The following TARBP1 variants were observed in gnomAD, a reference collection of about 807,000 sequenced individuals.
TARBP1 encodes tRNA (guanosine(18)-2'-O)-methyltransferase TARBP1.
In TARBP1, 144 loss-of-function variants were observed where a neutral mutation model predicts 178.6. The observed-to-expected ratio is 0.81, with a 90% CI of 0.70 to 0.93. The LOEUF is 0.93. Ranked by LOEUF, TARBP1 falls within the 40% of genes least tolerant of loss-of-function variation. TARBP1 has a pLI of 0.00. For synonymous variants in TARBP1, 787 were observed against 781.0 expected, an observed-to-expected ratio of 1.01 and a Z score of -0.13; for missense variants, 2,067 against 2,011.7, an observed-to-expected ratio of 1.03 and a Z score of -0.53.
intron 9 of TARBP1, among the ~76,000 whole-genome samples, chr1:234,456,876 A>G (rs1199237117): frequency 6.6e-6 from 1 of 152,256 alleles, no homozygotes; most frequent in African/African-American, 2.4e-5. Context: ...ATGCATTGTG[A>G]TCAAGAAAAT....
intron 23 of TARBP1, chr1:234,407,049 TTC>T (rs1661318404): frequency 1.3e-5 from 2 of 151,844 alleles, no homozygotes; most frequent in Non-Finnish European, 2.9e-5. Context: ...ACAATCCTCT[TTC>T]TCTCATTCCT....
intron 1 of TARBP1, among the ~76,000 whole-genome samples, chr1:234,474,678 C>G (rs974710115): frequency 1.6e-4 from 24 of 152,086 alleles, no homozygotes; most frequent in African/African-American, 5.8e-4. Context: ...TAGATAGATA[C>G]CTTTAAAATT....
At chr1:234,424,034 T>C (rs982179960) in intron 20 of TARBP1, among the ~76,000 whole-genome samples, 1 of 152,270 alleles carries the variant, frequency 6.6e-6, no homozygotes, top group East Asian at 1.9e-4. Context: ...GACATCTTCC[T>C]TGACTCCAAC....
At chr1:234,413,558 T>C (rs531161066) in intron 22 of TARBP1, among the ~76,000 whole-genome samples, 25 of 152,078 alleles carry the variant, frequency 1.6e-4, no homozygotes, top group African/African-American at 2.2e-4. Context: ...TGTGCCTAGG[T>C]AGTGAATTGA....
chr1:234,478,074 G>C, intron 1 of TARBP1, 99 bp downstream of exon 1: 2 of 1,213,374 alleles, frequency 1.6e-6, no homozygotes, highest in Non-Finnish European at 2.3e-6. Context: ...GCATGGATCG[G>C]AGTGACGACC....
In TARBP1 at chr1:234,420,759, G is replaced by A. The variant is rs1662990729; in HGVS notation, c.3498C>T (p.His1166=). ...KKRYYVNSLQ[H]RVKNRVWQTL... is the part of the protein sequence containing the mutation. ...TCTGCCACACTCGGTTTTTCACTCTGTGCTGTAGAGAATTCACATAGTAGC... is the reference window on the plus strand; with the variant it reads ...TCTGCCACACTCGGTTTTTCACTCTATGCTGTAGAGAATTCACATAGTAGC... Residue 1166 remains histidine, a synonymous_variant, in exon 21 of 30, where the codon CAC becomes CAT. Transcript: ENST00000040877. The A allele has an allele frequency of 1.2e-6, 2 of 1,613,054 alleles. No individual in the cohort carries two copies. The highest frequency in any genetic ancestry group is 2.2e-5 in the East Asian group (1 of 44,770).
intron 25 of TARBP1, among the ~76,000 whole-genome samples, chr1:234,399,425 G>T (rs553321158): frequency 2.8e-4 from 43 of 152,192 alleles, no homozygotes; most frequent in Non-Finnish European, 5.9e-4. Flanking sequence ...ACCAAGTACA[G>T]CTCCAAATAC....
At chr1:234,418,973 C>T (rs961055492) in intron 21 of TARBP1, among the ~76,000 whole-genome samples, 2 of 152,028 alleles carry the variant, frequency 1.3e-5, no homozygotes, top group African/African-American at 2.4e-5. Context: ...AAGATCGAGA[C>T]CATCCTGGCT....
intron 7 of TARBP1, 23 bp downstream of exon 7, chr1:234,460,238 A>G: frequency 1.3e-6 from 2 of 1,590,794 alleles, no homozygotes; most frequent in South Asian, 1.2e-5. Context: ...TAACCATACA[A>G]GTACATATAC....
rs111799091 is a variant in TARBP1 at position 234,461,617 on chromosome 1, A to G, written c.1400-1221T>C. On this transcript the variant is annotated intron_variant, in intron 6 of 29. Transcript: ENST00000040877. ...CCACCACACCCGGCCAGTAAAAGAT[A>G]AAATTGTTTATGATTAGAAGCCATT... is the stretch of plus-strand genomic sequence containing the variant. Among the ~76,000 whole-genome samples the G allele has an allele frequency of 3.4e-3, 513 of 152,306 alleles. 4 individuals carry two copies. The highest frequency in any genetic ancestry group is 0.012 in the African/African-American group (496 of 41,578).
intron 2 of TARBP1, among the ~76,000 whole-genome samples, chr1:234,471,682 T>C (rs916747081): frequency 6.6e-6 from 1 of 152,228 alleles, no homozygotes; most frequent in Non-Finnish European, 1.5e-5. Flanking sequence ...ATAGCCAAAG[T>C]TGCTGACACG....
intron 13 of TARBP1, among the ~76,000 whole-genome samples, chr1:234,434,133 TTAAGATCTCA>T (rs1664770456): frequency 6.6e-6 from 1 of 152,176 alleles, no homozygotes; most frequent in South Asian, 2.1e-4. Flanking sequence ...CCTTATTGTG[TTAAGATCTCA>T]TAATTCAGGT....
chr1:234,410,455 A>G lies in TARBP1; in HGVS notation c.3782T>C (p.Ile1261Thr). 6.1e-6 allele frequency: 9 copies of G among 1,476,280 alleles called. 1 individual carries two copies. In the Middle Eastern group the frequency reaches 1.6e-3, roughly 256 times the overall value. 91.4% of individuals were successfully genotyped at this position (1,476,280 alleles called of 1,614,324 possible). A position where few individuals can be genotyped will look rare whatever the true frequency, so the allele number is the denominator to read the frequency against. Residue 1261 changes from isoleucine to threonine, a missense_variant, in exon 23 of 30, where the codon ATT becomes ACT. Transcript: ENST00000040877. ...TACAAACAAACTTACCTTTTCTGGAATATTTTGAGTAATAATGTCTAAATG... is the reference window on the plus strand; with the variant it reads ...TACAAACAAACTTACCTTTTCTGGAGTATTTTGAGTAATAATGTCTAAATG... ...LSHLDIITQN[I>T]PEKKLILKQA...
chr1:234,471,308 A>C (rs761397689), intron 2 of TARBP1, 51 bp from the exon 3 acceptor site: 34 of 1,222,212 alleles, frequency 2.8e-5, no homozygotes, highest in Non-Finnish European at 1.5e-5. Context: ...ATCTTGAAAA[A>C]TGTCAGGCAA....
chr1:234,472,750 A>C lies in TARBP1; in HGVS notation c.993T>G (p.Asn331Lys). Reference protein sequence around the residue: ...KKDELLKFWENYILIMETLEG... With the variant: ...KKDELLKFWEKYILIMETLEG... ...CTAAAGTCTCCATAATTAAAATATA[A>C]TTTTCCCAAAACTTTAGAAGCTCAT... Residue 331 changes from asparagine to lysine, a missense_variant, in exon 2 of 30, where the codon AAT (asparagine) becomes AAG (lysine). Coordinates refer to ENST00000040877, the MANE Select transcript of TARBP1 (RefSeq NM_005646.4). The C allele has an allele frequency of 6.2e-7, 1 of 1,603,922 alleles. No individual in the cohort carries two copies. Among genetic ancestry groups the C allele is most frequent in the Non-Finnish European group, 8.5e-7 (1 of 1,177,368 alleles).
rs76147879 is a variant in TARBP1 at position 234,474,780 on chromosome 1, C to T, written c.932-1969G>A. ...AAAATAAAGGCATTTAGATATGTAT[C>T]GTTTCAGTTGCTCATTAGGACATAG... On this transcript the variant is annotated intron_variant, in intron 1 of 29. Coordinates refer to ENST00000040877, the MANE Select transcript of TARBP1 (RefSeq NM_005646.4). Among the ~76,000 whole-genome samples the T allele has an allele frequency of 2.9e-3, 435 of 152,220 alleles. 2 individuals are homozygous for T. The highest frequency in any genetic ancestry group is 9.5e-3 in the African/African-American group (396 of 41,516).
Position 234,420,784 on chromosome 1 carries a change from C to A in TARBP1, c.3473G>T (p.Arg1158Leu), listed in dbSNP as rs183482799. ...KDELVSKSKKRYYVNSLQHRV... is the reference protein window; with the variant it reads ...KDELVSKSKKLYYVNSLQHRV... ...GTGCTGTAGAGAATTCACATAGTAG[C>A]GTTTTTTGGACTTGGACACTAATTC... The change falls in exon 21 of 30, where the codon CGC (arginine) becomes CTC (leucine). Residue 1158 changes from arginine (R) to leucine (L), a missense_variant. Transcript: ENST00000040877. The A allele has an allele frequency of 1.2e-6, 2 of 1,610,000 alleles. No homozygotes were observed. The highest frequency in any genetic ancestry group is 2.2e-5 in the East Asian group (1 of 44,576).
intron 12 of TARBP1, among the ~76,000 whole-genome samples, chr1:234,443,642 G>C (rs1038912300): frequency 8.5e-5 from 13 of 152,138 alleles, no homozygotes; most frequent in South Asian, 2.1e-4. Context: ...CAGGGACTCA[G>C]ACATTTGTAC....
At chr1:234,409,922 T>C (rs1661628443) in intron 23 of TARBP1, among the ~76,000 whole-genome samples, 1 of 152,236 alleles carries the variant, frequency 6.6e-6, no homozygotes. Flanking sequence ...TTATGATTTC[T>C]GCCTATCTGT....
Sources: gnomAD v4.1 joint callset for allele counts (sites outside exome capture counted in the v4.1 genomes callset) on GRCh38, gnomAD v4.1.1 for gene constraint, MANE v1.5 for transcripts, NCBI Gene and HGNC (gene_info 2026-07-23, HGNC 2026-07-21) for gene names.